Variants in ETV1 observed in about 807,000 individuals in gnomAD.
ETV1 encodes ETS translocation variant 1.
Under a neutral mutation model 62.3 loss-of-function variants are expected in ETV1, and 27 were observed. That is an observed-to-expected ratio of 0.43 (90% confidence interval 0.32 to 0.60). The LOEUF (loss-of-function observed/expected upper bound fraction) is 0.60, where lower values mean the gene tolerates loss of function less well. ETV1 is among the 20% of genes least tolerant of loss of function. ETV1 has a pLI of 0.06. For missense variants in ETV1, 605 were observed against 605.8 expected (o/e 1.00, Z 0.01); for synonymous variants, 222 against 199.6 (o/e 1.11, Z -0.94).
chr7:13,907,545 C>A (rs1583582585), intron 11 of ETV1, among the ~76,000 whole-genome samples: 1 of 150,202 alleles, frequency 6.7e-6, no homozygotes, highest in Non-Finnish European at 1.5e-5. Flanking sequence ...ATTAATTTTA[C>A]AAAAAAAAAT....
chr7:13,903,256 C>T (rs17167626), intron 12 of ETV1, among the ~76,000 whole-genome samples: 1 of 152,114 alleles, frequency 6.6e-6, no homozygotes, highest in Non-Finnish European at 1.5e-5. Flanking sequence ...ATGGCATTCA[C>T]CCTTATTGTC....
At chr7:13,917,166 G>C (rs761390433) in intron 9 of ETV1, among the ~76,000 whole-genome samples, 13 of 151,942 alleles carry the variant, frequency 8.6e-5, no homozygotes, top group Non-Finnish European at 1.9e-4. Context: ...AACAACATTA[G>C]ATTATATGAT....
intron 6 of ETV1, among the ~76,000 whole-genome samples, chr7:13,945,245 G>C (rs1036581580): frequency 1.3e-5 from 2 of 152,084 alleles, no homozygotes; most frequent in East Asian, 3.9e-4. Flanking sequence ...ACTGTGATCT[G>C]ATGTATGCCG....
At position 13,906,560 on chromosome 7, in the gene ETV1, G is replaced by A. The variant is rs1299587625; in HGVS notation, c.980C>T (p.Pro327Leu). 1.9e-6 allele frequency: 3 copies of A among 1,611,794 alleles called. No homozygotes were observed. The highest frequency in any genetic ancestry group is 1.7e-6 in the Non-Finnish European group (2 of 1,178,986). Residue 327 changes from proline (P) to leucine (L), a missense_variant, in exon 12 of 14, where the codon CCC (proline) becomes CTC (leucine). By Grantham distance (98) the Pro-to-Leu change is moderately conservative. Coordinates refer to ENST00000430479, the MANE Select transcript of ETV1 (RefSeq NM_004956.5). Reference protein sequence around the residue: ...KQEPGMYREGPTYQRRGSLQL... With the variant: ...KQEPGMYREGLTYQRRGSLQL... The stretch of plus-strand genomic sequence containing the variant: ...AAGTGATCCTCGCCGTTGGTATGTG[G>A]GTCCTTCCCGATACATTCCTGGCTC...
intron 6 of ETV1, among the ~76,000 whole-genome samples, chr7:13,939,448 CAA>C (rs1179067028): frequency 3.9e-5 from 6 of 152,130 alleles, no homozygotes; most frequent in Non-Finnish European, 2.9e-5. Context: ...TATTGTGTAA[CAA>C]AATGCATGCT....
chr7:13,964,352 G>A (rs989613501), intron 6 of ETV1, among the ~76,000 whole-genome samples: 4 of 151,982 alleles, frequency 2.6e-5, no homozygotes, highest in African/African-American at 7.3e-5. Context: ...AACTTTTGCT[G>A]GTAACTCTGC....
intron 6 of ETV1, among the ~76,000 whole-genome samples, chr7:13,976,627 G>A (rs902637052): frequency 2.6e-5 from 4 of 152,140 alleles, no homozygotes; most frequent in Non-Finnish European, 5.9e-5. Flanking sequence ...AATTAAGATG[G>A]CATTTATACC....
intron 6 of ETV1, 83 bp downstream of exon 6, chr7:13,977,344 C>G (rs780233989): frequency 2.4e-4 from 216 of 891,744 alleles, no homozygotes; most frequent in Non-Finnish European, 3.6e-4. Flanking sequence ...AGACACTGGA[C>G]GTGAAAACCA....
At chr7:13,897,300 T>C (rs1260936555) in intron 13 of ETV1, among the ~76,000 whole-genome samples, 1 of 152,198 alleles carries the variant, frequency 6.6e-6, no homozygotes, top group Non-Finnish European at 1.5e-5. Flanking sequence ...GCTAGTTGAT[T>C]TTTGATGTGG....
At chr7:13,963,999 G>A (rs935199066) in intron 6 of ETV1, among the ~76,000 whole-genome samples, 1 of 152,164 alleles carries the variant, frequency 6.6e-6, no homozygotes, top group Non-Finnish European at 1.5e-5. Flanking sequence ...ACAGGAACAT[G>A]GAGATTTCAG....
At chr7:13,970,257 T>A (rs1033345974) in intron 6 of ETV1, among the ~76,000 whole-genome samples, 33 of 132,634 alleles carry the variant, frequency 2.5e-4, no homozygotes, top group African/African-American at 9.7e-4. Flanking sequence ...CGAGACCCCA[T>A]CTCAAAACAC....
At position 13,892,037 on chromosome 7, in the gene ETV1, A is replaced by G; in HGVS notation, c.*3829T>C. 4.3e-6 allele frequency: 1 copy of G among 231,952 alleles called. No homozygotes were observed. The highest frequency in any genetic ancestry group is 6.1e-5 in the East Asian group (1 of 16,276). The allele number at this position is 231,952 out of a possible 1,614,324, so 14.4% of individuals were successfully genotyped here. On this transcript the variant is annotated 3_prime_UTR_variant, in exon 14 of 14. Coordinates refer to ENST00000430479, the MANE Select transcript of ETV1 (RefSeq NM_004956.5). The stretch of plus-strand genomic sequence containing the variant: ...AAAATTCTGTAGCTTCTGGCAATAT[A>G]TTTCTTTCCTGGTTATATAAAGATA...
chr7:13,925,214 G>C (rs981071883), intron 9 of ETV1, among the ~76,000 whole-genome samples: 1 of 152,106 alleles, frequency 6.6e-6, no homozygotes, highest in Non-Finnish European at 1.5e-5. Flanking sequence ...ACATGGCCGA[G>C]AAGCATTGTT....
chr7:13,968,999 A>G (rs1167009096), intron 6 of ETV1, among the ~76,000 whole-genome samples: 3 of 152,164 alleles, frequency 2.0e-5, no homozygotes, highest in Non-Finnish European at 4.4e-5. Flanking sequence ...ACAATCAAGT[A>G]CCAAACTAAA....
At chr7:13,921,549 T>A (rs927042402) in intron 9 of ETV1, among the ~76,000 whole-genome samples, 1 of 152,108 alleles carries the variant, frequency 6.6e-6, no homozygotes, top group Non-Finnish European at 1.5e-5. Context: ...CCTGTGTATA[T>A]CTCTAAACCA....
intron 6 of ETV1, among the ~76,000 whole-genome samples, chr7:13,950,231 A>C (rs1788638706): frequency 6.6e-6 from 1 of 152,168 alleles, no homozygotes; most frequent in Non-Finnish European, 1.5e-5. Flanking sequence ...AGCAGTCATC[A>C]ATATGCCCCC....
At chr7:13,950,330 C>T (rs1354941494) in intron 6 of ETV1, among the ~76,000 whole-genome samples, 1 of 152,090 alleles carries the variant, frequency 6.6e-6, no homozygotes, top group East Asian at 1.9e-4. Context: ...ACTCATTTCA[C>T]AGAAGGGAGC....
intron 6 of ETV1, among the ~76,000 whole-genome samples, chr7:13,945,505 A>C (rs1455172411): frequency 6.6e-6 from 1 of 152,050 alleles, no homozygotes; most frequent in African/African-American, 2.4e-5. Flanking sequence ...TGGCAAAAAA[A>C]ATTTTTTTTT....
chr7:13,926,445 A>G (rs562666276), intron 9 of ETV1, among the ~76,000 whole-genome samples: 2 of 152,356 alleles, frequency 1.3e-5, no homozygotes, highest in Admixed American at 1.3e-4. Context: ...GCGTCACTGG[A>G]CATTCTGAAT....
Sources: gnomAD v4.1 joint callset for allele counts (sites outside exome capture counted in the v4.1 genomes callset) on GRCh38, gnomAD v4.1.1 for gene constraint, MANE v1.5 for transcripts, NCBI Gene and HGNC (gene_info 2026-07-23, HGNC 2026-07-21) for gene names.